CDH18: variants seen among roughly 807,000 people sequenced by gnomAD.
CDH18 encodes cadherin 18.
Under a neutral mutation model 67.9 loss-of-function variants are expected in CDH18, and 31 were observed. The observed-to-expected ratio is 0.46, with a 90% CI of 0.34 to 0.62. The LOEUF (loss-of-function observed/expected upper bound fraction) is 0.62. CDH18 is among the 20% of genes least tolerant of loss of function. The pLI, the probability that CDH18 is intolerant of heterozygous loss-of-function variation, is 0.01. For synonymous variants in CDH18, 362 were observed against 347.2 expected (o/e 1.04, Z -0.48); for missense variants, 890 against 975.5 (o/e 0.91, Z 1.17).
intron 4 of CDH18, among the ~76,000 whole-genome samples, chr5:19,727,463 T>C (rs1766989193): frequency 6.6e-6 from 1 of 152,154 alleles, no homozygotes; most frequent in Non-Finnish European, 1.5e-5. Context: ...AACCACTAGA[T>C]GCTATGGGAG....
At chr5:19,595,257 A>G (rs926964312) in intron 6 of CDH18, among the ~76,000 whole-genome samples, 5 of 152,228 alleles carry the variant, frequency 3.3e-5, no homozygotes, top group African/African-American at 1.2e-4. Flanking sequence ...AAATTATAAA[A>G]CATGGATGAA....
rs551173306 is a variant in CDH18 at position 20,389,684 on chromosome 5, AT to A, written c.-579-134180del. On this transcript the variant is annotated intron_variant, in intron 1 of 14. Coordinates refer to the CDH18 transcript ENST00000507958. ...AAAAAGAGCCCGCATCGCCAAGTCA[AT>A]CCTAAGCCAAAAGAACAAAGCTGGA... 1.9e-3 allele frequency among the ~76,000 whole-genome samples: 290 copies of A among 152,262 alleles called. 1 individual carries two copies. Among genetic ancestry groups the A allele is most frequent in the Non-Finnish European group, 3.4e-3 (231 of 68,002 alleles).
chr5:20,325,269 C>G (rs955229933), intron 1 of CDH18, among the ~76,000 whole-genome samples: 1 of 152,154 alleles, frequency 6.6e-6, no homozygotes, highest in African/African-American at 2.4e-5. Flanking sequence ...CAGAACTGAA[C>G]CCTTCCATCC....
intron 2 of CDH18, among the ~76,000 whole-genome samples, chr5:20,121,648 A>G (rs532684068): frequency 1.8e-4 from 27 of 152,162 alleles, no homozygotes; most frequent in Non-Finnish European, 3.7e-4. Flanking sequence ...GAAAAGCTAT[A>G]GTTTTCTCTT....
At chr5:20,273,655 T>C (rs1036499106) in intron 1 of CDH18, among the ~76,000 whole-genome samples, 1 of 152,094 alleles carries the variant, frequency 6.6e-6, no homozygotes, top group Middle Eastern at 3.2e-3. Context: ...AAAATACATA[T>C]TTTATATTTG....
intron 5 of CDH18, among the ~76,000 whole-genome samples, chr5:19,711,650 T>TAAAAAAAAAAAAAA (rs3062941): frequency 8.7e-6 from 1 of 115,564 alleles, no homozygotes; most frequent in African/African-American, 3.6e-5. Context: ...TAGTATAAAG[T>TAAAAAAAAAAAAAA]AAAAAAAAAA....
intron 2 of CDH18, among the ~76,000 whole-genome samples, chr5:20,004,932 A>G (rs1039332900): frequency 1.3e-5 from 2 of 152,168 alleles, no homozygotes; most frequent in African/African-American, 4.8e-5. Flanking sequence ...GGGTGTGTCA[A>G]ATTCCACTAT....
intron 10 of CDH18, among the ~76,000 whole-genome samples, 179 bp from the exon 11 acceptor site, chr5:19,503,288 T>C (rs1743568293): frequency 6.6e-6 from 1 of 152,174 alleles, no homozygotes; most frequent in South Asian, 2.1e-4. Flanking sequence ...GCATTAGATT[T>C]TAGGAAAAAC....
chr5:20,192,422 C>A (rs549205399), intron 2 of CDH18, among the ~76,000 whole-genome samples: 1 of 151,920 alleles, frequency 6.6e-6, no homozygotes, highest in Non-Finnish European at 1.5e-5. Flanking sequence ...GAAGTCTTTG[C>A]CAAATGCTTA....
intron 1 of CDH18, among the ~76,000 whole-genome samples, chr5:20,470,271 T>G (rs990588733): frequency 2.0e-5 from 3 of 152,206 alleles, no homozygotes; most frequent in African/African-American, 4.8e-5. Context: ...TACACCACTC[T>G]TCTTTAATTT....
intron 2 of CDH18, among the ~76,000 whole-genome samples, chr5:20,206,688 G>A (rs1739919255): frequency 6.6e-6 from 1 of 151,810 alleles, no homozygotes; most frequent in African/African-American, 2.4e-5. Context: ...GTGCAAGAAT[G>A]ATTTAACCTA....
intron 5 of CDH18, among the ~76,000 whole-genome samples, chr5:19,625,518 GGT>G (rs1411855452): frequency 6.6e-6 from 1 of 152,056 alleles, no homozygotes; most frequent in Non-Finnish European, 1.5e-5. Flanking sequence ...CTGAAATCAA[GGT>G]GTTGGCAGGG....
intron 1 of CDH18, among the ~76,000 whole-genome samples, chr5:20,313,438 G>A (rs1030643692): frequency 6.6e-6 from 1 of 151,694 alleles, no homozygotes; most frequent in Admixed American, 6.6e-5. Flanking sequence ...CATCTTTATT[G>A]TTTATGTTTT....
intron 2 of CDH18, among the ~76,000 whole-genome samples, chr5:20,008,919 C>T (rs116393037): frequency 0.012 from 1,754 of 152,212 alleles, 42 homozygotes; most frequent in African/African-American, 0.04. Context: ...TAAGGAAAAG[C>T]TCCTATCTAA....
At chr5:19,964,817 G>A (rs1322484775) in intron 2 of CDH18, among the ~76,000 whole-genome samples, 14 of 151,964 alleles carry the variant, frequency 9.2e-5, no homozygotes, top group Admixed American at 7.9e-4. Context: ...TGAACAAAAC[G>A]ACTATAGCAA....
At chr5:20,087,625 A>C (rs1745084093) in intron 2 of CDH18, among the ~76,000 whole-genome samples, 1 of 152,180 alleles carries the variant, frequency 6.6e-6, no homozygotes, top group Admixed American at 6.5e-5. Flanking sequence ...AAAGATTACA[A>C]CTGGCTAAAG....
intron 1 of CDH18, among the ~76,000 whole-genome samples, chr5:20,363,743 A>T (rs1314674051): frequency 6.7e-6 from 1 of 150,262 alleles, no homozygotes; most frequent in African/African-American, 2.4e-5. Context: ...ACACTTTCTC[A>T]GTTCCAGAAG....
At chr5:20,223,977 T>C (rs1009687078) in intron 2 of CDH18, among the ~76,000 whole-genome samples, 1 of 152,210 alleles carries the variant, frequency 6.6e-6, no homozygotes, top group Non-Finnish European at 1.5e-5. Context: ...ACAAAATTTG[T>C]ATTTAAATAG....
intron 3 of CDH18, among the ~76,000 whole-genome samples, chr5:19,834,464 C>A (rs574549662): frequency 1.2e-3 from 178 of 147,810 alleles, no homozygotes; most frequent in East Asian, 3.2e-3. Flanking sequence ...TAATTTTTTT[C>A]AAAAAAAACA....
Sources: allele counts gnomAD v4.1 joint callset (sites outside exome capture counted in the v4.1 genomes callset), GRCh38; gene constraint gnomAD v4.1.1; transcripts MANE v1.5; gene names NCBI Gene and HGNC (gene_info 2026-07-23, HGNC 2026-07-21).